The following PRKG1 variants were observed in gnomAD, a reference collection of about 807,000 sequenced individuals.
PRKG1 encodes the protein cGMP-dependent protein kinase 1.
A neutral mutation model predicts 88.1 loss-of-function variants in PRKG1; 35 were observed. The observed-to-expected ratio is 0.40, with a 90% CI of 0.30 to 0.53. The LOEUF (loss-of-function observed/expected upper bound fraction) is 0.53. Among genes scored for constraint, PRKG1 ranks in the 20% least tolerant of loss-of-function variants. PRKG1 has a pLI of 0.59. For missense variants in PRKG1, 540 were observed against 839.8 expected (o/e 0.64, Z 4.41); for synonymous variants, 303 against 292.5 (o/e 1.04, Z -0.37).
chr10:52,042,328 C>G (rs913507949), intron 5 of PRKG1, among the ~76,000 whole-genome samples: 1 of 152,092 alleles, frequency 6.6e-6, no homozygotes, highest in African/African-American at 2.4e-5. Context: ...TCAAAATACA[C>G]TAACAAGCTA....
At chr10:51,646,709 T>C (rs1839922773) in intron 3 of PRKG1, among the ~76,000 whole-genome samples, 1 of 151,908 alleles carries the variant, frequency 6.6e-6, no homozygotes, top group South Asian at 2.1e-4. Context: ...GAACTTTGTA[T>C]CTCCATGTAT....
intron 9 of PRKG1, among the ~76,000 whole-genome samples, chr10:52,178,537 A>G (rs1242280161): frequency 6.6e-6 from 1 of 151,948 alleles, no homozygotes; most frequent in Non-Finnish European, 1.5e-5. Context: ...CTTTAAATCT[A>G]ATGTTTCTTT....
Position 51,835,401 on chromosome 10 carries a change from G to T in PRKG1, c.698+30711G>T, listed in dbSNP as rs554551728. Among the ~76,000 whole-genome samples the T allele has an allele frequency of 1.8e-3, 277 of 152,298 alleles. 1 individual carries two copies. The highest frequency in any genetic ancestry group is 6.4e-3 in the African/African-American group (268 of 41,562). ...ACAGATGCTGGCCATTTAAATGTGG[G>T]CTTTGCATGTTGTGAACTGACTGGT... On this transcript the variant is annotated intron_variant, in intron 4 of 17. Transcript: ENST00000373980.
chr10:51,813,972 A>G (rs1839521505), intron 4 of PRKG1, among the ~76,000 whole-genome samples: 2 of 152,176 alleles, frequency 1.3e-5, no homozygotes, highest in African/African-American at 4.8e-5. Flanking sequence ...AGGGGCTTTC[A>G]GTTGTTTGGA....
chr10:51,556,708 T>G (rs1837321472), intron 3 of PRKG1, among the ~76,000 whole-genome samples: 1 of 151,916 alleles, frequency 6.6e-6, no homozygotes, highest in African/African-American at 2.4e-5. Flanking sequence ...CGATAGACAC[T>G]GGGAACTACC....
chr10:51,171,872 A>G (rs1043278127), intron 2 of PRKG1, among the ~76,000 whole-genome samples: 2 of 152,082 alleles, frequency 1.3e-5, no homozygotes, highest in African/African-American at 4.8e-5. Context: ...AATTAATTTT[A>G]TGGAACAGAA....
intron 2 of PRKG1, among the ~76,000 whole-genome samples, chr10:51,259,678 G>T (rs1264177588): frequency 6.6e-6 from 1 of 152,138 alleles, no homozygotes; most frequent in African/African-American, 2.4e-5. Flanking sequence ...GTTTCACCAT[G>T]TTGGCCAGGC....
At chr10:51,653,893 T>C (rs1317102954) in intron 3 of PRKG1, among the ~76,000 whole-genome samples, 2 of 152,172 alleles carry the variant, frequency 1.3e-5, no homozygotes, top group African/African-American at 4.8e-5. Flanking sequence ...AAAATCAGAT[T>C]ATTTGTTTTC....
chr10:51,005,268 TA>T (rs34977613), intron 1 of PRKG1, among the ~76,000 whole-genome samples: 40,521 of 151,196 alleles, frequency 0.27, 5,513 homozygotes, highest in Admixed American at 0.32. Context: ...TTGTGATAAT[TA>T]AAAAAAAATA....
chr10:52,055,654 T>C (rs564215940), intron 6 of PRKG1, among the ~76,000 whole-genome samples: 4 of 152,290 alleles, frequency 2.6e-5, no homozygotes, highest in African/African-American at 7.2e-5. Context: ...TTTAAACTTA[T>C]GTTTCTTTAT....
At chr10:51,676,705 T>C (rs1282391202) in intron 3 of PRKG1, among the ~76,000 whole-genome samples, 1 of 152,240 alleles carries the variant, frequency 6.6e-6, no homozygotes, top group Non-Finnish European at 1.5e-5. Flanking sequence ...CATTGTTGTG[T>C]TGTTTTCCAT....
intron 2 of PRKG1, among the ~76,000 whole-genome samples, chr10:51,292,434 G>A (rs936838559): frequency 6.6e-6 from 1 of 152,084 alleles, no homozygotes; most frequent in Admixed American, 6.6e-5. Context: ...AACAAAGAAA[G>A]GACGTATTTT....
At chr10:52,058,617 C>A (rs1846165015) in intron 6 of PRKG1, among the ~76,000 whole-genome samples, 1 of 151,702 alleles carries the variant, frequency 6.6e-6, no homozygotes, top group African/African-American at 2.4e-5. Context: ...ATCCATGGAC[C>A]AAAACAGGGG....
chr10:51,197,015 C>T (rs1158380970), intron 2 of PRKG1, among the ~76,000 whole-genome samples: 1 of 152,052 alleles, frequency 6.6e-6, no homozygotes, highest in Non-Finnish European at 1.5e-5. Context: ...TGATTATTTA[C>T]ACTTATGCCT....
At chr10:51,190,908 G>T (rs1432738353) in intron 2 of PRKG1, among the ~76,000 whole-genome samples, 1 of 151,804 alleles carries the variant, frequency 6.6e-6, no homozygotes, top group South Asian at 2.1e-4. Context: ...CTCTACTATG[G>T]AGCCAGACAT....
chr10:51,812,340 C>T (rs984605294), intron 4 of PRKG1, among the ~76,000 whole-genome samples: 4 of 152,150 alleles, frequency 2.6e-5, no homozygotes, highest in Admixed American at 2.6e-4. Flanking sequence ...GTGAATACGA[C>T]AAACGTGGCA....
chr10:52,137,725 T>A (rs1234633112), intron 8 of PRKG1, among the ~76,000 whole-genome samples: 2 of 152,108 alleles, frequency 1.3e-5, no homozygotes, highest in East Asian at 3.8e-4. Flanking sequence ...AAAAATTCTA[T>A]GCATATTCAG....
chr10:51,935,622 C>T (rs1489079056), intron 5 of PRKG1, among the ~76,000 whole-genome samples: 3 of 152,140 alleles, frequency 2.0e-5, no homozygotes, highest in African/African-American at 7.2e-5. Flanking sequence ...TTCTTAGTTA[C>T]CAAATCCAAT....
intron 3 of PRKG1, chr10:51,697,454 T>C (rs1000903918): frequency 1.9e-6 from 1 of 516,150 alleles, no homozygotes; most frequent in African/African-American, 1.9e-5. Flanking sequence ...TTTGGCATAA[T>C]ATAATCATGT....
Sources: gnomAD v4.1 joint callset for allele counts (sites outside exome capture counted in the v4.1 genomes callset) on GRCh38, gnomAD v4.1.1 for gene constraint, MANE v1.5 for transcripts, NCBI Gene and HGNC (gene_info 2026-07-23, HGNC 2026-07-21) for gene names.